Variants in SPTAN1 observed in about 807,000 individuals in gnomAD.
SPTAN1 encodes the protein spectrin alpha, non-erythrocytic 1, also known as spectrin alpha chain, non-erythrocytic 1.
A neutral mutation model predicts 331.3 loss-of-function variants in SPTAN1; 61 were observed. That is an observed-to-expected ratio of 0.18 (90% CI 0.15 to 0.23). SPTAN1 has a LOEUF of 0.23. Ranked by LOEUF, SPTAN1 falls within the 10% of genes least tolerant of loss-of-function variation. The pLI is 1.00. For synonymous variants in SPTAN1, 1,153 were observed against 1,173.9 expected (o/e 0.98, Z 0.36); for missense variants, 2,043 against 3,147.9 (o/e 0.65, Z 8.40).
At chr9:128,589,081 C>A in intron 21 of SPTAN1, 138 bp downstream of exon 21, 1 of 1,233,328 alleles carries the variant, frequency 8.1e-7, no homozygotes, top group Non-Finnish European at 1.1e-6. Flanking sequence ...CACCAATCCC[C>A]CACGTGACAT....
At chr9:128,555,148 A>G (rs560488097) in intron 1 of SPTAN1, among the ~76,000 whole-genome samples, 1 of 152,358 alleles carries the variant, frequency 6.6e-6, no homozygotes, top group South Asian at 2.1e-4. Flanking sequence ...AAGACCTGGG[A>G]ACCTTGGTTC....
At chr9:128,632,358 G>T in intron 53 of SPTAN1, 35 bp downstream of exon 53, 1 of 1,613,558 alleles carries the variant, frequency 6.2e-7, no homozygotes, top group South Asian at 1.1e-5. Flanking sequence ...GCTCAGCCCA[G>T]AGCAGGGGGA....
intron 1 of SPTAN1, among the ~76,000 whole-genome samples, chr9:128,555,043 A>G (rs968718522): frequency 2.6e-5 from 4 of 152,166 alleles, no homozygotes; most frequent in Non-Finnish European, 5.9e-5. Context: ...AGTTTGAAAA[A>G]GTATATTCGG....
intron 27 of SPTAN1, among the ~76,000 whole-genome samples, chr9:128,601,890 G>A (rs903311617): frequency 6.6e-6 from 1 of 152,104 alleles, no homozygotes; most frequent in African/African-American, 2.4e-5. Context: ...GGCCAGGCAT[G>A]GGTATACACC....
chr9:128,615,749 A>G lies in SPTAN1; in HGVS notation c.5266A>G (p.Ser1756Gly). The G allele has an allele frequency of 1.9e-6, 3 of 1,614,224 alleles. No individual in the cohort carries two copies. The highest frequency in any genetic ancestry group is 2.5e-6 in the Non-Finnish European group (3 of 1,180,044). The part of the protein sequence containing the change: ...TINGRFQKIK[S>G]MAASRRAKLN... The stretch of plus-strand genomic sequence containing the variant: ...CAACGGGCGCTTCCAGAAGATCAAG[A>G]GCATGGCGGCCTCCCGGCGAGCCAA... Residue 1756 changes from serine (S) to glycine (G), a missense_variant, in exon 41 of 57, where the codon AGC becomes GGC. Ser to Gly is a moderately conservative substitution (Grantham distance 56). Around this residue, in one of 12 missense-constraint regions of SPTAN1, gnomAD observed 323 missense variants for 581.1 expected, o/e 0.56. Transcript: ENST00000372739.
At chr9:128,571,586 A>G (rs1057341107) in intron 3 of SPTAN1, among the ~76,000 whole-genome samples, 29 of 152,204 alleles carry the variant, frequency 1.9e-4, no homozygotes, top group African/African-American at 7.0e-4. Context: ...ATTCTGTCTG[A>G]AAAAAGTAAA....
chr9:128,627,751 C>A lies in SPTAN1; in HGVS notation c.6690-174C>A. On this transcript the variant is annotated intron_variant, in intron 50 of 56. Coordinates refer to ENST00000372739, the MANE Select transcript of SPTAN1 (RefSeq NM_001130438.3). The surrounding 1 kb of genome is among the most constrained non-coding windows in gnomAD (Gnocchi z 4.9). The stretch of plus-strand genomic sequence containing the variant: ...GGATTGAGTGGGACCATGCAGGGCG[C>A]GTGGTCAGCCCCAGCCATGACTTGG... The A allele has an allele frequency of 1.1e-6, 1 of 878,020 alleles. No homozygotes were observed. The highest frequency in any genetic ancestry group is 1.9e-6 in the Non-Finnish European group (1 of 521,172). The allele number at this position is 878,020 out of a possible 1,614,324, so 54.4% of individuals were successfully genotyped here.
intron 35 of SPTAN1, 36 bp from the exon 36 acceptor site, chr9:128,609,086 A>AT: frequency 6.2e-7 from 1 of 1,614,198 alleles, no homozygotes; most frequent in Non-Finnish European, 8.5e-7. Flanking sequence ...ACGGTAAGAT[A>AT]TGCTCATGTT....
At chr9:128,556,866 T>A (rs561408615) in intron 1 of SPTAN1, among the ~76,000 whole-genome samples, 4 of 152,228 alleles carry the variant, frequency 2.6e-5, no homozygotes, top group Non-Finnish European at 5.9e-5. Context: ...TTGAGTTAAT[T>A]TTGTTTGATC....
At chr9:128,567,338 C>T (rs935789611) in intron 2 of SPTAN1, among the ~76,000 whole-genome samples, 1 of 152,172 alleles carries the variant, frequency 6.6e-6, no homozygotes, top group East Asian at 1.9e-4. Context: ...GTCGCCCAGG[C>T]TGGAGTGCAA....
At chr9:128,611,680 A>T in intron 37 of SPTAN1, 34 bp from the exon 38 acceptor site, 1 of 1,612,396 alleles carries the variant, frequency 6.2e-7, no homozygotes, top group Non-Finnish European at 8.5e-7. Context: ...CCTAGCAGGA[A>T]CTGGTTTGGA....
intron 51 of SPTAN1, chr9:128,628,435 C>G: frequency 2.9e-6 from 1 of 345,760 alleles, no homozygotes; most frequent in African/African-American, 2.1e-5. Context: ...GAGGCTGCCA[C>G]TTTACTTTCC....
chr9:128,582,365 G>A, intron 12 of SPTAN1, 114 bp from the exon 13 acceptor site: 1 of 922,012 alleles, frequency 1.1e-6, no homozygotes, highest in South Asian at 1.4e-5. Flanking sequence ...TGAAAACCTT[G>A]ACCTATGTTA....
rs1858624105 is a variant in SPTAN1 at position 128,625,650 on chromosome 9, G to A, written c.6070-119G>A. On this transcript the variant is annotated intron_variant, in intron 47 of 56. Transcript: ENST00000372739. The surrounding 1 kb of genome is among the most constrained non-coding windows in gnomAD (Gnocchi z 4.1). The stretch of plus-strand genomic sequence containing the variant: ...GCATGTGTGACTGAGTCTCAGCAGT[G>A]TCCAGGTGGACAGTTTGGCTTGGGC... 2 of 921,512 alleles carry A rather than the reference G, an allele frequency of 2.2e-6. No homozygotes were observed. Among genetic ancestry groups the A allele is most frequent in the Non-Finnish European group, 3.5e-6 (2 of 566,070 alleles). 57.1% of individuals were successfully genotyped at this position (921,512 alleles called of 1,614,324 possible).
intron 4 of SPTAN1, 86 bp downstream of exon 4, chr9:128,574,901 T>C (rs1267022840): frequency 6.3e-7 from 1 of 1,588,714 alleles, no homozygotes; most frequent in African/African-American, 1.3e-5. Flanking sequence ...GACCCAGTGT[T>C]AGCACAGATA....
rs777889951 is a variant in SPTAN1 at position 128,608,294 on chromosome 9, T to C, written c.4491+18T>C. 2 of 1,613,984 alleles carry C rather than the reference T, an allele frequency of 1.2e-6. No homozygotes were observed. Among genetic ancestry groups the C allele is most frequent in the South Asian group, 1.1e-5 (1 of 91,078 alleles). On this transcript the variant is annotated intron_variant, in intron 34 of 56. Coordinates refer to ENST00000372739, the MANE Select transcript of SPTAN1 (RefSeq NM_001130438.3). The stretch of plus-strand genomic sequence containing the variant: ...ACGTCCAGGTGAGGCCTCTGGACCA[T>C]GGAGTTGGAGTCTGGATTTTTCCTG...
chr9:128,583,040 G>A, intron 14 of SPTAN1, 37 bp from the exon 15 acceptor site: 1 of 1,610,182 alleles, frequency 6.2e-7, no homozygotes, highest in Non-Finnish European at 8.5e-7. Context: ...ACGTTCTCAG[G>A]TTCAAGATAG....
At chr9:128,622,395 G>A (rs2131874301) in intron 45 of SPTAN1, among the ~76,000 whole-genome samples, 1 of 150,808 alleles carries the variant, frequency 6.6e-6, no homozygotes, top group South Asian at 2.1e-4. Context: ...CACCTCCCAG[G>A]TTGAAACGAT....
chr9:128,574,812 C>T lies in SPTAN1; in HGVS notation c.501C>T (p.Asp167=), dbSNP rs1851117702. 6.2e-7 allele frequency: 1 copy of T among 1,613,856 alleles called. No homozygotes were observed. The highest frequency in any genetic ancestry group is 1.1e-5 in the South Asian group (1 of 91,082). Reference sequence around the variant, plus strand: ...AGGACGTGATGGACTGGATCAATGACAAGGCACGTTTTGGGAAGAAGGGTT... The same window carrying T: ...AGGACGTGATGGACTGGATCAATGATAAGGCACGTTTTGGGAAGAAGGGTT... ...ECEDVMDWIN[D]KEAIVTSEEL... Residue 167 remains aspartate (D), a synonymous_variant, in exon 4 of 57, where the codon GAC becomes GAT. Coordinates refer to ENST00000372739, the MANE Select transcript of SPTAN1 (RefSeq NM_001130438.3).
Sources: allele counts gnomAD v4.1 joint callset (sites outside exome capture counted in the v4.1 genomes callset), GRCh38; gene constraint gnomAD v4.1.1; regional missense constraint gnomAD v4.1.1; non-coding constraint Gnocchi (gnomAD v3.1); transcripts MANE v1.5; gene names NCBI Gene and HGNC (gene_info 2026-07-23, HGNC 2026-07-21).